Variants in TMC7 observed in about 807,000 individuals in gnomAD.
TMC7 encodes transmembrane channel like 7, also known as transmembrane channel-like protein 7.
Under a neutral mutation model 82.9 loss-of-function variants are expected in TMC7, and 54 were observed. The observed-to-expected ratio is 0.65, with a 90% confidence interval of 0.52 to 0.82. The LOEUF is 0.82. TMC7 is among the 40% of genes least tolerant of loss of function. TMC7 has a pLI of 0.00. For synonymous variants in TMC7, 350 were observed against 337.9 expected (o/e 1.04, Z -0.39); for missense variants, 820 against 901.2 (o/e 0.91, Z 1.15).
chr16:18,985,541 T>C (rs2038830492), intron 1 of TMC7, among the ~76,000 whole-genome samples: 1 of 152,208 alleles, frequency 6.6e-6, no homozygotes, highest in Admixed American at 6.5e-5. Context: ...ATCCATTATA[T>C]TGAAGATGTC....
intron 13 of TMC7, among the ~76,000 whole-genome samples, chr16:19,053,443 G>A (rs1190774652): frequency 1.3e-5 from 2 of 150,402 alleles, no homozygotes; most frequent in African/African-American, 2.4e-5. Context: ...CGCTCTTGTT[G>A]CCCAGGCTGG....
At chr16:19,050,383 AAAAAAAAAACC>A (rs1463070967) in intron 12 of TMC7, among the ~76,000 whole-genome samples, 1 of 151,492 alleles carries the variant, frequency 6.6e-6, no homozygotes, top group Non-Finnish European at 1.5e-5. Flanking sequence ...AAAAAAAAAA[AAAAAAAAAACC>A]AAAAAAAACA....
chr16:19,013,515 C>T (rs909228411), intron 2 of TMC7, among the ~76,000 whole-genome samples: 1 of 151,742 alleles, frequency 6.6e-6, no homozygotes, highest in Non-Finnish European at 1.5e-5. Flanking sequence ...CCGTGCCTGG[C>T]CTATTTTATT....
In TMC7 at chr16:19,061,874, T is replaced by C. The variant is rs781247442; in HGVS notation, c.*31T>C. The C allele has an allele frequency of 6.2e-7, 1 of 1,602,094 alleles. No homozygotes were observed. Among genetic ancestry groups the C allele is most frequent in the South Asian group, 1.1e-5 (1 of 90,026 alleles). ...CTGAGCGTGAAGATGGTGCTGCCTG[T>C]TGCTTCTAAGCTGACCTAGTGATTC... On this transcript the variant is annotated 3_prime_UTR_variant, in exon 16 of 16. Transcript: ENST00000304381.
intron 1 of TMC7, among the ~76,000 whole-genome samples, chr16:19,006,747 G>A (rs778357421): frequency 1.1e-4 from 17 of 152,344 alleles, no homozygotes; most frequent in South Asian, 2.1e-4. Flanking sequence ...GTCTGCTGGC[G>A]CTGGAGCACC....
chr16:18,988,122 C>A (rs1469807407), intron 1 of TMC7, among the ~76,000 whole-genome samples: 1 of 151,884 alleles, frequency 6.6e-6, no homozygotes, highest in Non-Finnish European at 1.5e-5. Flanking sequence ...GTGCATGCAG[C>A]CACACCTGGT....
intron 2 of TMC7, 34 bp from the exon 3 acceptor site, chr16:19,016,416 T>TGTTGTC (rs1251967990): frequency 1.9e-6 from 3 of 1,612,824 alleles, no homozygotes; most frequent in Middle Eastern, 1.7e-4. Flanking sequence ...ATGCTGCTGT[T>TGTTGTC]GTTGTCATTG....
intron 1 of TMC7, among the ~76,000 whole-genome samples, chr16:18,993,783 A>G (rs1046177440): frequency 6.6e-6 from 1 of 152,210 alleles, no homozygotes; most frequent in African/African-American, 2.4e-5. Context: ...ATTTAGAGTC[A>G]GTATAAATAT....
chr16:19,037,281 G>A (rs1447516816), intron 7 of TMC7, among the ~76,000 whole-genome samples: 2 of 150,940 alleles, frequency 1.3e-5, no homozygotes, highest in Non-Finnish European at 2.9e-5. Context: ...CTAGCTTCTC[G>A]GGAGGCTGAG....
intron 9 of TMC7, among the ~76,000 whole-genome samples, chr16:19,042,982 G>GACC (rs1961091240): frequency 6.6e-6 from 1 of 151,914 alleles, no homozygotes. Context: ...TCCTGACCTC[G>GACC]TGATCCGCCC....
At chr16:19,043,229 A>G (rs1465446371) in intron 9 of TMC7, among the ~76,000 whole-genome samples, 1 of 152,094 alleles carries the variant, frequency 6.6e-6, no homozygotes, top group African/African-American at 2.4e-5. Context: ...TATTTATGTG[A>G]TATCTCTGCA....
intron 1 of TMC7, among the ~76,000 whole-genome samples, chr16:18,997,396 G>A (rs1286407513): frequency 6.6e-6 from 1 of 151,994 alleles, no homozygotes; most frequent in African/African-American, 2.4e-5. Flanking sequence ...TTGAGACAGG[G>A]TCTCACTCTG....
chr16:19,003,091 G>A (rs1418497010), intron 1 of TMC7, among the ~76,000 whole-genome samples: 1 of 152,206 alleles, frequency 6.6e-6, no homozygotes, highest in East Asian at 1.9e-4. Context: ...AGCCCTTTGG[G>A]AGGCTAAGGC....
chr16:19,054,074 G>A (rs1456201565), intron 13 of TMC7, among the ~76,000 whole-genome samples: 1 of 151,994 alleles, frequency 6.6e-6, no homozygotes, highest in African/African-American at 2.4e-5. Flanking sequence ...ACAACATTTA[G>A]GTTGTTTCCA....
intron 2 of TMC7, among the ~76,000 whole-genome samples, chr16:19,010,710 C>G (rs1374642566): frequency 2.3e-4 from 35 of 152,178 alleles, no homozygotes; most frequent in Non-Finnish European, 2.9e-5. Flanking sequence ...CTGGACAAAT[C>G]CTTCTAGTTT....
At chr16:19,048,707 C>T (rs1182510452) in intron 12 of TMC7, among the ~76,000 whole-genome samples, 1 of 152,182 alleles carries the variant, frequency 6.6e-6, no homozygotes, top group Non-Finnish European at 1.5e-5. Context: ...AGGCATGAGC[C>T]ACTGCGCCCA....
At chr16:19,051,142 G>C (rs1181238689) in intron 12 of TMC7, among the ~76,000 whole-genome samples, 3 of 151,718 alleles carry the variant, frequency 2.0e-5, no homozygotes, top group Non-Finnish European at 4.4e-5. Flanking sequence ...CCTGTGTTTT[G>C]GCCCATTTCC....
intron 12 of TMC7, among the ~76,000 whole-genome samples, chr16:19,050,366 CAAAAAAAAAAAAA>C (rs71143824): frequency 1.2e-5 from 1 of 83,048 alleles, no homozygotes; most frequent in Non-Finnish European, 2.1e-5. Context: ...GATTCCGTCT[CAAAAAAAAAAAAA>C]AAAAAAAAAA....
At chr16:19,005,943 C>T (rs1447768584) in intron 1 of TMC7, among the ~76,000 whole-genome samples, 1 of 152,174 alleles carries the variant, frequency 6.6e-6, no homozygotes, top group Non-Finnish European at 1.5e-5. Context: ...CATGTGTCAT[C>T]TACAGTGGGA....
Sources: allele counts gnomAD v4.1 joint callset (sites outside exome capture counted in the v4.1 genomes callset), GRCh38; gene constraint gnomAD v4.1.1; transcripts MANE v1.5; gene names NCBI Gene and HGNC (gene_info 2026-07-23, HGNC 2026-07-21).